Variants in NDUFV3 observed in about 807,000 individuals in gnomAD.
The protein encoded by NDUFV3 is NADH:ubiquinone oxidoreductase subunit V3, also known as NADH dehydrogenase [ubiquinone] flavoprotein 3, mitochondrial.
A neutral mutation model predicts 37.5 loss-of-function variants in NDUFV3; 44 were observed. The observed-to-expected ratio is 1.17, with a 90% CI of 0.92 to 1.51. NDUFV3 has a LOEUF of 1.51. Among genes scored for constraint, NDUFV3 ranks in the 40% most tolerant of loss-of-function variants. The pLI, the probability that NDUFV3 is intolerant of heterozygous loss-of-function variation, is 0.00. For synonymous variants in NDUFV3, 235 were observed against 239.3 expected (o/e 0.98, Z 0.17); for missense variants, 580 against 580.4 (o/e 1.00, Z 0.01).
At chr21:42,897,890 A>G (rs1267686265) in intron 2 of NDUFV3, among the ~76,000 whole-genome samples, 1 of 151,530 alleles carries the variant, frequency 6.6e-6, no homozygotes, top group Admixed American at 6.6e-5. Flanking sequence ...GTTAGCCGGG[A>G]TGGTCTTGAT....
chr21:42,905,392 C>A (rs2058736779), intron 3 of NDUFV3, among the ~76,000 whole-genome samples: 1 of 152,244 alleles, frequency 6.6e-6, no homozygotes, highest in African/African-American at 2.4e-5. Flanking sequence ...AAGTGTTGTA[C>A]AGGTCAGCCG....
chr21:42,897,727 A>G (rs988118622), intron 2 of NDUFV3, among the ~76,000 whole-genome samples: 1 of 148,128 alleles, frequency 6.8e-6, no homozygotes, highest in South Asian at 2.1e-4. Flanking sequence ...CCCCTGCTGG[A>G]GTGCAGTGGC....
At chr21:42,906,671 G>C (rs2058743318) in intron 3 of NDUFV3, among the ~76,000 whole-genome samples, 1 of 152,226 alleles carries the variant, frequency 6.6e-6, no homozygotes, top group African/African-American at 2.4e-5. Context: ...CATGCGCAGA[G>C]CCCACCTTGC....
Position 42,899,418 on chromosome 21 carries a change from T to C in NDUFV3, c.169+2371T>C, listed in dbSNP as rs539730422. Among the ~76,000 whole-genome samples the C allele has an allele frequency of 1.9e-4, 29 of 151,644 alleles. No homozygotes were observed. In the South Asian group the frequency reaches 5.6e-3, roughly 29 times the overall value. ...TCCCAAGTAACTGGGATTACAGGCA[T>C]GCACCACCACGCCTGGCTAATTTTT... On this transcript the variant is annotated intron_variant, in intron 2 of 3. Coordinates refer to ENST00000354250, the MANE Select transcript of NDUFV3 (RefSeq NM_021075.4).
chr21:42,896,348 G>T (rs547730682), intron 1 of NDUFV3, among the ~76,000 whole-genome samples: 1 of 141,426 alleles, frequency 7.1e-6, no homozygotes, highest in African/African-American at 2.5e-5. Context: ...AGTAGAGACG[G>T]GGTTTCACCG....
chr21:42,897,105 C>T (rs2058695794), intron 2 of NDUFV3, 58 bp downstream of exon 2: 1 of 1,594,124 alleles, frequency 6.3e-7, no homozygotes, highest in Non-Finnish European at 8.6e-7. Flanking sequence ...ATAGATTAGT[C>T]AGCCTTCGAA....
Position 42,903,611 on chromosome 21 carries a change from G to T in NDUFV3, c.599G>T (p.Arg200Leu). ...ASHSFENRAPRVTVSAKEKTL... is the reference protein window; with the variant it reads ...ASHSFENRAPLVTVSAKEKTL... Reference sequence around the variant, plus strand: ...CATTCCTTTGAAAACAGAGCCCCCCGAGTTACAGTATCAGCAAAAGAGAAA... The same window carrying T: ...CATTCCTTTGAAAACAGAGCCCCCCTAGTTACAGTATCAGCAAAAGAGAAA... Residue 200 changes from arginine to leucine, a missense_variant, in exon 3 of 4, where the codon CGA becomes CTA. Arg to Leu is a moderately radical substitution (Grantham distance 102). Coordinates refer to ENST00000354250, the MANE Select transcript of NDUFV3 (RefSeq NM_021075.4). 1.2e-6 allele frequency: 2 copies of T among 1,613,902 alleles called. No individual in the cohort carries two copies. Among genetic ancestry groups the T allele is most frequent in the South Asian group, 1.1e-5 (1 of 91,076 alleles).
chr21:42,898,939 A>C (rs78334620), intron 2 of NDUFV3, among the ~76,000 whole-genome samples: 2 of 152,378 alleles, frequency 1.3e-5, no homozygotes, highest in East Asian at 3.9e-4. Flanking sequence ...TGGCAGAGCC[A>C]AAGAGCCCCC....
At chr21:42,906,926 G>A (rs766646844) in intron 3 of NDUFV3, 16 of 510,662 alleles carry the variant, frequency 3.1e-5, no homozygotes, top group Non-Finnish European at 4.3e-5. Flanking sequence ...TTTGCTTAAC[G>A]TAACTTAAAA....
At chr21:42,908,813 A>G (rs909613992) in intron 3 of NDUFV3, 51 bp from the exon 4 acceptor site, 4 of 1,611,056 alleles carry the variant, frequency 2.5e-6, no homozygotes, top group Non-Finnish European at 2.5e-6. Flanking sequence ...CGAGTCATTC[A>G]TAAAGAGCTG....
intron 2 of NDUFV3, among the ~76,000 whole-genome samples, chr21:42,902,870 T>C (rs1359653387): frequency 6.6e-6 from 1 of 152,218 alleles, no homozygotes; most frequent in African/African-American, 2.4e-5. Context: ...TACATCCTCC[T>C]GTATACTTTA....
intron 3 of NDUFV3, among the ~76,000 whole-genome samples, chr21:42,907,345 T>C (rs1415420580): frequency 6.6e-6 from 1 of 151,922 alleles, no homozygotes; most frequent in Non-Finnish European, 1.5e-5. Flanking sequence ...TGCAGTGATG[T>C]GATCTCAGCT....
Position 42,904,036 on chromosome 21 carries a change from C to T in NDUFV3, c.1024C>T (p.Gln342Ter). 1 of 1,614,148 alleles carries T rather than the reference C, an allele frequency of 6.2e-7. No individual in the cohort carries two copies. The highest frequency in any genetic ancestry group is 8.5e-7 in the Non-Finnish European group (1 of 1,180,010). Residue 342 changes from glutamine (Q) to a stop codon, truncating the protein, a stop_gained, in exon 3 of 4, where the codon CAG (glutamine) becomes TAG (stop). Coordinates refer to ENST00000354250, the MANE Select transcript of NDUFV3 (RefSeq NM_021075.4). LOFTEE classifies it high-confidence loss of function. ...GHLEKPVPEP[Q>*]RKAAPPLPRK... ...TCTGGAAAAACCCGTGCCAGAGCCCCAGCGCAAGGCGGCCCCTCCCCTGCC... is the reference window on the plus strand; with the variant it reads ...TCTGGAAAAACCCGTGCCAGAGCCCTAGCGCAAGGCGGCCCCTCCCCTGCC...
At chr21:42,895,583 C>G (rs113843203) in intron 1 of NDUFV3, among the ~76,000 whole-genome samples, 1 of 149,728 alleles carries the variant, frequency 6.7e-6, no homozygotes, top group Non-Finnish European at 1.5e-5. Context: ...ACCCAGGAGG[C>G]GGAGGTTGCA....
At position 42,903,804 on chromosome 21, in the gene NDUFV3, G is replaced by C. The variant is rs1484082190; in HGVS notation, c.792G>C (p.Lys264Asn). The change falls in exon 3 of 4, where the codon AAG (lysine) becomes AAC (asparagine). Residue 264 changes from lysine to asparagine, a missense_variant. Physicochemically the swap from Lys to Asn is moderately conservative, Grantham distance 94. Coordinates refer to ENST00000354250, the MANE Select transcript of NDUFV3 (RefSeq NM_021075.4). ...VDEEFLKQSL[K>N]EKQLQKTFRL... ...AAGAGTTTTTGAAGCAAAGTTTAAA[G>C]GAAAAACAATTGCAGAAAACATTTA... 3 of 1,614,018 alleles carry C rather than the reference G, an allele frequency of 1.9e-6. No homozygotes were observed. The highest frequency in any genetic ancestry group is 1.7e-6 in the Non-Finnish European group (2 of 1,180,012).
chr21:42,897,821 C>T (rs1301729053), intron 2 of NDUFV3, among the ~76,000 whole-genome samples: 5 of 152,114 alleles, frequency 3.3e-5, no homozygotes, highest in South Asian at 2.1e-4. Flanking sequence ...GGACTACAGG[C>T]GCCCACCACC....
At chr21:42,908,386 A>G (rs2058751735) in intron 3 of NDUFV3, among the ~76,000 whole-genome samples, 1 of 152,036 alleles carries the variant, frequency 6.6e-6, no homozygotes, top group African/African-American at 2.4e-5. Flanking sequence ...CTTCCAAGTA[A>G]TATCTTTCTT....
Position 42,909,172 on chromosome 21 carries a change from C to T in NDUFV3, c.*151C>T, listed in dbSNP as rs1226576000. 4 of 800,708 alleles carry T rather than the reference C, an allele frequency of 5.0e-6. No homozygotes were observed. The highest frequency in any genetic ancestry group is 7.6e-6 in the Non-Finnish European group (4 of 524,222). 49.6% of individuals were successfully genotyped at this position (800,708 alleles called of 1,614,324 possible). A position where few individuals can be genotyped will look rare whatever the true frequency, so the allele number is the denominator to read the frequency against. On this transcript the variant is annotated 3_prime_UTR_variant, in exon 4 of 4. Coordinates refer to ENST00000354250, the MANE Select transcript of NDUFV3 (RefSeq NM_021075.4). ...TTTTTTTTTTTTTGAGACAGGGTCT[C>T]ACTCTGTCACCCAGGCTGGAGTGCA...
rs17115544 is a variant in NDUFV3 at position 42,905,304 on chromosome 21, G to A, written c.1264+1028G>A. ...AGCAGTAGCTAGTCGCTTGGCGTGA[G>A]AGTCTTTGGGTAAACTAGATGATTG... On this transcript the variant is annotated intron_variant, in intron 3 of 3. Coordinates refer to ENST00000354250, the MANE Select transcript of NDUFV3 (RefSeq NM_021075.4). Among the ~76,000 whole-genome samples, 737 of 152,286 alleles carry A rather than the reference G, an allele frequency of 4.8e-3. 6 individuals carry two copies. The highest frequency in any genetic ancestry group is 0.017 in the African/African-American group (692 of 41,566).
Sources: gnomAD v4.1 joint callset for allele counts (sites outside exome capture counted in the v4.1 genomes callset) on GRCh38, gnomAD v4.1.1 for gene constraint, MANE v1.5 for transcripts, NCBI Gene and HGNC (gene_info 2026-07-23, HGNC 2026-07-21) for gene names.